CCDC120: variants seen among roughly 807,000 people sequenced by gnomAD.
CCDC120 encodes the protein coiled-coil domain-containing protein 120.
Under a neutral mutation model 37.6 loss-of-function variants are expected in CCDC120, and 16 were observed. The observed-to-expected ratio is 0.43, with a 90% CI of 0.29 to 0.65. The LOEUF (loss-of-function observed/expected upper bound fraction) is 0.65, where lower values mean the gene tolerates loss of function less well. Ranked by LOEUF, CCDC120 falls within the 30% of genes least tolerant of loss-of-function variation. CCDC120 has a pLI of 0.18. For missense variants in CCDC120, 650 were observed against 657.4 expected (o/e 0.99, Z 0.12); for synonymous variants, 309 against 275.4 (o/e 1.12, Z -1.21).
chrX:49,066,980 C>T (rs1283370913), intron 9 of CCDC120, 196 bp from the exon 10 acceptor site: 3 of 429,087 alleles, frequency 7.0e-6, no homozygotes, highest in Admixed American at 8.3e-5. Context: ...TACCCCTGAC[C>T]GCCTAGCCTA....
chrX:49,064,589 C>T lies in CCDC120; in HGVS notation c.649C>T (p.Leu217=). The change falls in exon 6 of 11, where the codon CTG becomes TTG. Residue 217 remains leucine (L), a synonymous_variant. Transcript: ENST00000603986. ...CCCAGTGCTCCCGCTGCCCCAGCCACTGCCACTGTCCACGGGGTCAGTGAT... is the reference window on the plus strand; with the variant it reads ...CCCAGTGCTCCCGCTGCCCCAGCCATTGCCACTGTCCACGGGGTCAGTGAT... ...GLPVLPLPQP[L]PLSTGSVITT... is the part of the protein sequence containing the mutation. 2 of 1,188,239 alleles carry T rather than the reference C, an allele frequency of 1.7e-6. No individual in the cohort carries two copies. Among genetic ancestry groups the T allele is most frequent in the Non-Finnish European group, 2.3e-6 (2 of 883,387 alleles).
rs1483964161 is a variant in CCDC120, at chrX:49,069,430, C to G, written c.*772C>G. On this transcript the variant is annotated 3_prime_UTR_variant, in exon 11 of 11. Coordinates refer to ENST00000603986, the MANE Select transcript of CCDC120 (RefSeq NM_001163321.4). Reference sequence around the variant, plus strand: ...CTTGCTCTGTCACCAGGCTGGAGTGCAGCGGCGCAATCTCAGCTCACTGCA... The same window carrying G: ...CTTGCTCTGTCACCAGGCTGGAGTGGAGCGGCGCAATCTCAGCTCACTGCA... 2 of 112,437 alleles carry G rather than the reference C, an allele frequency of 1.8e-5. No individual in the cohort carries two copies. Among genetic ancestry groups the G allele is most frequent in the African/African-American group, 6.5e-5 (2 of 30,929 alleles). The allele number at this position is 112,437 out of a possible 1,213,427, so 9.3% of individuals were successfully genotyped here.
At position 49,064,426 on chromosome X, in the gene CCDC120, G is replaced by A. The variant is rs2064926760; in HGVS notation, c.486G>A (p.Ala162=). ...TGTCAGTGCAACAGCAGATCGCGGC[G>A]GCCGCCCGCCGCCTGGCCTTGGCCC... The part of the protein sequence containing the change: ...REVSVQQQIA[A]AARRLALAPD... The change falls in exon 6 of 11, where the codon GCG becomes GCA. Residue 162 remains alanine, a synonymous_variant. Coordinates refer to ENST00000603986, the MANE Select transcript of CCDC120 (RefSeq NM_001163321.4). 2.6e-6 allele frequency: 3 copies of A among 1,175,300 alleles called. No homozygotes were observed. Among genetic ancestry groups the A allele is most frequent in the East Asian group, 3.2e-5 (1 of 31,371 alleles).
chrX:49,054,410 A>C (rs988840754), upstream of CCDC120, among the ~76,000 whole-genome samples: 1 of 110,226 alleles, frequency 9.1e-6, no homozygotes, highest in Non-Finnish European at 1.9e-5. Flanking sequence ...TCTGCACCCT[A>C]TGTGATATCC....
rs782781627 is a variant in CCDC120 at position 49,067,812 on chromosome X, C to A, written c.1698C>A (p.Asn566Lys). Reference sequence around the variant, plus strand: ...CCGAAGGCCCTGAGGTGCATCCAAACCCTCTGCTGTGGATGCCCCCACCCA... The same window carrying A: ...CCGAAGGCCCTGAGGTGCATCCAAAACCTCTGCTGTGGATGCCCCCACCCA... ...EAAEGPEVHP[N>K]PLLWMPPPTR... The change falls in exon 10 of 11, where the codon AAC becomes AAA. Residue 566 changes from asparagine (N) to lysine (K), a missense_variant. Coordinates refer to ENST00000603986, the MANE Select transcript of CCDC120 (RefSeq NM_001163321.4). 6.7e-6 allele frequency: 8 copies of A among 1,189,908 alleles called. No individual in the cohort carries two copies. Among genetic ancestry groups the A allele is most frequent in the Admixed American group, 4.6e-5 (2 of 43,364 alleles).
intron 1 of CCDC120, among the ~76,000 whole-genome samples, chrX:49,061,527 T>C (rs1213039074): frequency 8.9e-6 from 1 of 112,773 alleles, no homozygotes; most frequent in Non-Finnish European, 1.9e-5. Context: ...AATCTCTTGT[T>C]GGACAACCGT....
In CCDC120 at chrX:49,064,412, C is replaced by T; in HGVS notation, c.472C>T (p.Gln158Ter). The T allele has an allele frequency of 8.5e-7, 1 of 1,177,835 alleles. No individual in the cohort carries two copies. The highest frequency in any genetic ancestry group is 3.2e-5 in the East Asian group (1 of 31,653). The change falls in exon 6 of 11, where the codon CAG becomes TAG. Residue 158 changes from glutamine (Q) to a stop codon, truncating the protein, a stop_gained. Coordinates refer to ENST00000603986, the MANE Select transcript of CCDC120 (RefSeq NM_001163321.4). LOFTEE classifies it high-confidence loss of function. Reference sequence around the variant, plus strand: ...CCTGGAACGCGAGGTGTCAGTGCAACAGCAGATCGCGGCGGCCGCCCGCCG... The same window carrying T: ...CCTGGAACGCGAGGTGTCAGTGCAATAGCAGATCGCGGCGGCCGCCCGCCG... Reference protein sequence around the residue: ...EALEREVSVQQQIAAAARRLA... With the variant: ...EALEREVSVQ
At chrX:49,062,128 C>T (rs1557079591) in intron 2 of CCDC120, 24 bp downstream of exon 2, 1 of 1,160,966 alleles carries the variant, frequency 8.6e-7, no homozygotes, top group Non-Finnish European at 1.1e-6. Context: ...GCACGTGGGG[C>T]CCAGGTTACC....
intron 1 of CCDC120, among the ~76,000 whole-genome samples, chrX:49,060,686 G>A (rs1333302445): frequency 9.0e-6 from 1 of 110,705 alleles, no homozygotes; most frequent in Non-Finnish European, 1.9e-5. Context: ...GGGGATGTGG[G>A]GCCTGGGTTT....
In CCDC120 at chrX:49,067,737, C is replaced by G; in HGVS notation, c.1623C>G (p.Pro541=). ...GCCCCCTCCTCCGCACCAAGGACCC[C>G]CACACCCGTGCCACCCGCACTAAGC... ...SNSPLLRTKD[P]HTRATRTKPC... is the part of the protein sequence containing the mutation. Residue 541 remains proline, a synonymous_variant, in exon 10 of 11, where the codon CCC becomes CCG. Transcript: ENST00000603986. 3 of 1,196,104 alleles carry G rather than the reference C, an allele frequency of 2.5e-6. No individual in the cohort carries two copies. The highest frequency in any genetic ancestry group is 3.4e-6 in the Non-Finnish European group (3 of 884,567).
chrX:49,066,966 T>C, intron 9 of CCDC120: 1 of 422,825 alleles, frequency 2.4e-6, no homozygotes, highest in Non-Finnish European at 4.1e-6. Flanking sequence ...CCCCCACGCA[T>C]TTCTACCCCT....
At chrX:49,066,095 T>C (rs1557081148) in intron 9 of CCDC120, among the ~76,000 whole-genome samples, 1 of 111,694 alleles carries the variant, frequency 9.0e-6, no homozygotes, top group Admixed American at 9.5e-5. Context: ...TGGTGGGGCA[T>C]GCCTGTAATC....
At position 49,068,094 on chromosome X, in the gene CCDC120, T is replaced by C; in HGVS notation, c.1976+4T>C. ...CGGCGCCCCCTGTCTCTGGCAGGTA[T>C]GGGGGGTGCTTTTACTGATGGGTAG... On this transcript the variant is annotated splice_donor_region_variant and intron_variant, in intron 10 of 10. Coordinates refer to ENST00000603986, the MANE Select transcript of CCDC120 (RefSeq NM_001163321.4). The C allele has an allele frequency of 1.7e-6, 2 of 1,162,576 alleles. No homozygotes were observed. Among genetic ancestry groups the C allele is most frequent in the Non-Finnish European group, 2.3e-6 (2 of 871,059 alleles).
upstream of CCDC120, among the ~76,000 whole-genome samples, chrX:49,056,188 C>T (rs1557078329): frequency 9.0e-6 from 1 of 111,195 alleles, no homozygotes. Flanking sequence ...GTATTTGGTT[C>T]CTGCATTTTT....
rs1447775057 is a variant in CCDC120 at position 49,068,004 on chromosome X, T to G, written c.1890T>G (p.Tyr630Ter). ...CACCCTTCCTCCATGCCCGCTGCTA[T>G]GAGGTGGGCCAGGCGCTGTACGGGG... is the stretch of plus-strand genomic sequence containing the variant. ...PHPPFLHARC[Y>*]EVGQALYGAP... The change falls in exon 10 of 11, where the codon TAT becomes TAG. Residue 630 changes from tyrosine (Y) to a stop codon, truncating the protein, a stop_gained. Coordinates refer to ENST00000603986, the MANE Select transcript of CCDC120 (RefSeq NM_001163321.4). LOFTEE classifies it high-confidence loss of function. 1 of 1,162,116 alleles carries G rather than the reference T, an allele frequency of 8.6e-7. No homozygotes were observed. Among genetic ancestry groups the G allele is most frequent in the Non-Finnish European group, 1.1e-6 (1 of 870,127 alleles).
At position 49,067,379 on chromosome X, in the gene CCDC120, G is replaced by GC; in HGVS notation, c.1271dup (p.Val425SerfsTer6). The GC allele has an allele frequency of 8.4e-7, 1 of 1,197,235 alleles. No individual in the cohort carries two copies. On this transcript the variant is annotated frameshift_variant, in exon 10 of 11. Transcript: ENST00000603986. LOFTEE classifies it high-confidence loss of function. ...GCCCCTCTGGCTCCCTCTGCCTCTGGCCCCCCAGTCTGCAAGAGCAGTGAG... is the reference window on the plus strand; with the variant it reads ...GCCCCTCTGGCTCCCTCTGCCTCTGGCCCCCCCAGTCTGCAAGAGCAGTGAG...
chrX:49,057,362 T>C (rs1267243857), upstream of CCDC120, among the ~76,000 whole-genome samples: 4 of 112,555 alleles, frequency 3.6e-5, no homozygotes, highest in Non-Finnish European at 7.5e-5. Flanking sequence ...CTTTTACCCA[T>C]TTTACAGATG....
intron 7 of CCDC120, 143 bp downstream of exon 7, chrX:49,065,241 C>A: frequency 1.4e-6 from 1 of 716,649 alleles, no homozygotes. Context: ...TCTCCTTAGC[C>A]ATGCTCCATC....
chrX:49,064,982 G>T, intron 6 of CCDC120, 54 bp from the exon 7 acceptor site: 5 of 1,159,208 alleles, frequency 4.3e-6, no homozygotes, highest in South Asian at 1.8e-5. Context: ...GGTGTAAGGG[G>T]GCAGCACCCA....
Sources: gnomAD v4.1 joint callset for allele counts (sites outside exome capture counted in the v4.1 genomes callset) on GRCh38, gnomAD v4.1.1 for gene constraint, MANE v1.5 for transcripts, NCBI Gene and HGNC (gene_info 2026-07-23, HGNC 2026-07-21) for gene names.